Variants in SOX5 observed in about 807,000 individuals in gnomAD.
SOX5 encodes the protein SRY-box transcription factor 5, also known as transcription factor SOX-5.
In SOX5, 9 loss-of-function variants were observed where a neutral mutation model predicts 92.0. That is an observed-to-expected ratio of 0.10 (90% CI 0.06 to 0.17). The LOEUF (loss-of-function observed/expected upper bound fraction) is 0.17. Among genes scored for constraint, SOX5 ranks in the 10% least tolerant of loss-of-function variants. The probability of loss-of-function intolerance (pLI) is 1.00; values close to 1 mark genes in which losing one functional copy is unlikely to be tolerated. For missense variants in SOX5, 642 were observed against 944.5 expected (o/e 0.68, Z 4.20); for synonymous variants, 344 against 336.3 (o/e 1.02, Z -0.25).
intron 2 of SOX5, among the ~76,000 whole-genome samples, chr12:23,892,725 A>G (rs12296842): frequency 0.018 from 2,758 of 152,354 alleles, 89 homozygotes; most frequent in African/African-American, 0.062. Context: ...AGAGAAAAGT[A>G]TAAGTGCTGA....
chr12:24,055,465 G>A (rs1414413431), intron 4 of SOX5, among the ~76,000 whole-genome samples: 1 of 152,182 alleles, frequency 6.6e-6, no homozygotes, highest in Non-Finnish European at 1.5e-5. Context: ...CTCCCTCTTT[G>A]TCACAACGAA....
At chr12:24,541,624 T>G (rs1253324291) in intron 1 of SOX5, among the ~76,000 whole-genome samples, 1 of 152,208 alleles carries the variant, frequency 6.6e-6, no homozygotes, top group Non-Finnish European at 1.5e-5. Context: ...TGTTTCATGG[T>G]TAATTTTTAG....
intron 2 of SOX5, among the ~76,000 whole-genome samples, chr12:23,877,032 T>C (rs545560357): frequency 2.0e-5 from 3 of 152,132 alleles, no homozygotes; most frequent in East Asian, 1.9e-4. Context: ...TTTGGAGAAA[T>C]ATGTAATGTA....
intron 2 of SOX5, among the ~76,000 whole-genome samples, chr12:24,299,048 A>C (rs1947650742): frequency 6.6e-6 from 1 of 152,170 alleles, no homozygotes; most frequent in Non-Finnish European, 1.5e-5. Context: ...ATTCAAAGAT[A>C]ATTCATAGCT....
At chr12:24,241,162 T>A (rs181030626) in intron 3 of SOX5, among the ~76,000 whole-genome samples, 1 of 152,300 alleles carries the variant, frequency 6.6e-6, no homozygotes, top group East Asian at 1.9e-4. Flanking sequence ...TATAAGTCAG[T>A]CATATTGTCT....
At chr12:23,659,621 T>C (rs1446475890) in intron 7 of SOX5, among the ~76,000 whole-genome samples, 1 of 152,196 alleles carries the variant, frequency 6.6e-6, no homozygotes. Context: ...CTAAAACTCA[T>C]ATGATGTTTC....
intron 6 of SOX5, among the ~76,000 whole-genome samples, chr12:23,708,319 A>T (rs1345031751): frequency 5.3e-5 from 8 of 150,118 alleles, no homozygotes; most frequent in Non-Finnish European, 1.2e-4. Context: ...AATCCATATA[A>T]AAAAAAAAAC....
At chr12:23,940,162 T>C (rs957017699) in intron 1 of SOX5, among the ~76,000 whole-genome samples, 2 of 151,308 alleles carry the variant, frequency 1.3e-5, no homozygotes, top group African/African-American at 4.8e-5. Context: ...ATATAATTTA[T>C]CTTTTACAAT....
intron 4 of SOX5, among the ~76,000 whole-genome samples, chr12:24,069,359 C>T (rs113506433): frequency 6.6e-6 from 1 of 152,072 alleles, no homozygotes; most frequent in Non-Finnish European, 1.5e-5. Context: ...ATCATGCTGG[C>T]CCAGTATTGT....
chr12:23,731,007 G>C (rs143901542), intron 6 of SOX5, among the ~76,000 whole-genome samples: 1 of 152,104 alleles, frequency 6.6e-6, no homozygotes. Flanking sequence ...TCTCAATGTG[G>C]GCAGGCACCT....
At chr12:24,376,369 A>G (rs148159739) in intron 1 of SOX5, among the ~76,000 whole-genome samples, 1 of 152,304 alleles carries the variant, frequency 6.6e-6, no homozygotes, top group East Asian at 1.9e-4. Flanking sequence ...CGTTAATCAC[A>G]TGAAAGAGCT....
At position 23,585,927 on chromosome 12, in the gene SOX5, A is replaced by C. The variant is rs373457828; in HGVS notation, c.1165-10089T>G. On this transcript the variant is annotated intron_variant, in intron 9 of 14. Coordinates refer to ENST00000451604, the MANE Select transcript of SOX5 (RefSeq NM_006940.6). ...TTGCATAATAAAAGATTCACGGGCT[A>C]TGTAAATGGCACACCTGACACCTGG... Among the ~76,000 whole-genome samples the C allele has an allele frequency of 1.1e-4, 17 of 152,210 alleles. No homozygotes were observed. The East Asian group carries it at 3.3e-3, about 29-fold the overall frequency.
At chr12:23,704,731 C>T (rs10734728) in intron 6 of SOX5, among the ~76,000 whole-genome samples, 77,711 of 127,630 alleles carry the variant, frequency 0.61, 25,212 homozygotes, top group South Asian at 0.74. Context: ...CACACACACA[C>T]ATACACACAT....
At chr12:24,561,368 T>C (rs892214110) in intron 1 of SOX5, among the ~76,000 whole-genome samples, 2 of 152,234 alleles carry the variant, frequency 1.3e-5, no homozygotes, top group Non-Finnish European at 2.9e-5. Flanking sequence ...TCAATCTATT[T>C]ATTAATATAG....
At chr12:24,406,643 A>C (rs1182587713) in intron 1 of SOX5, among the ~76,000 whole-genome samples, 1 of 152,028 alleles carries the variant, frequency 6.6e-6, no homozygotes, top group Admixed American at 6.5e-5. Flanking sequence ...TATTAAATTA[A>C]CTTTGAAGCT....
intron 3 of SOX5, among the ~76,000 whole-genome samples, chr12:23,817,216 C>T (rs935112877): frequency 6.6e-6 from 1 of 152,124 alleles, no homozygotes; most frequent in African/African-American, 2.4e-5. Context: ...TGTATTTTAG[C>T]CCTCCGAGTA....
At chr12:23,871,284 C>A (rs1293556181) in intron 2 of SOX5, among the ~76,000 whole-genome samples, 1 of 152,104 alleles carries the variant, frequency 6.6e-6, no homozygotes, top group Non-Finnish European at 1.5e-5. Flanking sequence ...ATGTAACACA[C>A]AAAATGAATT....
intron 3 of SOX5, among the ~76,000 whole-genome samples, chr12:24,261,110 C>A (rs961622296): frequency 4.6e-5 from 7 of 152,046 alleles, no homozygotes; most frequent in African/African-American, 1.7e-4. Flanking sequence ...CTAACTTTAT[C>A]CTTGTCATTG....
chr12:23,574,740 T>C (rs1948858337), intron 10 of SOX5, among the ~76,000 whole-genome samples: 1 of 152,184 alleles, frequency 6.6e-6, no homozygotes, highest in Non-Finnish European at 1.5e-5. Context: ...TTCTCAAAAA[T>C]ATGCTATTTC....
Sources: gnomAD v4.1 joint callset for allele counts (sites outside exome capture counted in the v4.1 genomes callset) on GRCh38, gnomAD v4.1.1 for gene constraint, MANE v1.5 for transcripts, NCBI Gene and HGNC (gene_info 2026-07-23, HGNC 2026-07-21) for gene names.